Variants in TET1 observed in about 807,000 individuals in gnomAD.
TET1 encodes the protein tet methylcytosine dioxygenase 1, also known as methylcytosine dioxygenase TET1.
Under a neutral mutation model 148.7 loss-of-function variants are expected in TET1, and 13 were observed. The observed-to-expected ratio is 0.09, with a 90% CI of 0.06 to 0.14. TET1 has a LOEUF of 0.14. Ranked by LOEUF, TET1 falls within the 10% of genes least tolerant of loss-of-function variation. The pLI is 1.00. For missense variants in TET1, 2,182 were observed against 2,553.8 expected (o/e 0.85, Z 3.14); for synonymous variants, 907 against 937.2 (o/e 0.97, Z 0.59).
intron 10 of TET1, among the ~76,000 whole-genome samples, chr10:68,685,850 TAA>T (rs569967860): frequency 6.6e-6 from 1 of 152,006 alleles, no homozygotes; most frequent in Admixed American, 6.6e-5. Context: ...AATATAAAAT[TAA>T]AAAAAAATTT....
At chr10:68,568,103 C>A (rs1208100702) in intron 1 of TET1, among the ~76,000 whole-genome samples, 1 of 152,156 alleles carries the variant, frequency 6.6e-6, no homozygotes, top group Non-Finnish European at 1.5e-5. Flanking sequence ...CTCTCGAACT[C>A]CCAACCTCAG....
intron 3 of TET1, among the ~76,000 whole-genome samples, chr10:68,624,642 TTCTTTCTTTCTTTCTTTCTCTCTCTCTC>T (rs1243718782): frequency 2.4e-4 from 12 of 50,386 alleles, no homozygotes; most frequent in African/African-American, 1.4e-3. Flanking sequence ...CTTTCTTTCT[TTCTTTCTTTCTTTCTTTCTCTCTCTCTC>T]TCTCTCTCTC....
chr10:68,683,745 C>T (rs1268304415), intron 10 of TET1, among the ~76,000 whole-genome samples: 1 of 152,122 alleles, frequency 6.6e-6, no homozygotes, highest in Non-Finnish European at 1.5e-5. Flanking sequence ...TGCTATCAAA[C>T]TAGTAGGTAT....
chr10:68,676,264 ATATATTTTTT>A (rs1262824809), intron 8 of TET1, among the ~76,000 whole-genome samples: 8 of 15,410 alleles, frequency 5.2e-4, no homozygotes, highest in African/African-American at 1.8e-3. Flanking sequence ...ATATATATAT[ATATATTTTTT>A]TTTTTTTTTT....
At chr10:68,667,322 A>G (rs1183116586) in intron 7 of TET1, 66 bp downstream of exon 7, 1 of 1,305,304 alleles carries the variant, frequency 7.7e-7, no homozygotes, top group Middle Eastern at 1.9e-4. Context: ...AAAATTGTTA[A>G]TTAGCTACCA....
intron 1 of TET1, among the ~76,000 whole-genome samples, chr10:68,567,306 T>A (rs2053617616): frequency 1.3e-5 from 2 of 152,140 alleles, no homozygotes; most frequent in African/African-American, 4.8e-5. Context: ...TGGTGTGAGA[T>A]CATCTCTAGA....
chr10:68,618,476 A>T (rs1564971337), intron 3 of TET1, among the ~76,000 whole-genome samples: 1 of 152,222 alleles, frequency 6.6e-6, no homozygotes, highest in Non-Finnish European at 1.5e-5. Flanking sequence ...TAATACAAAC[A>T]AAAGAAGCCC....
At chr10:68,638,765 TTGTGTGTGTGTGTGTGTGTG>T (rs59106736) in intron 3 of TET1, among the ~76,000 whole-genome samples, 40 of 140,912 alleles carry the variant, frequency 2.8e-4, no homozygotes, top group African/African-American at 8.6e-4. Flanking sequence ...TGTATGGAGT[TTGTGTGTGTGTGTGTGTGTG>T]TGTGTGTGTG....
At chr10:68,657,142 A>G (rs1208135622) in intron 6 of TET1, among the ~76,000 whole-genome samples, 1 of 152,100 alleles carries the variant, frequency 6.6e-6, no homozygotes. Context: ...GTTGGAGACC[A>G]GCTTGGACAA....
intron 3 of TET1, among the ~76,000 whole-genome samples, chr10:68,608,494 C>G (rs1420691494): frequency 6.6e-6 from 1 of 152,088 alleles, no homozygotes; most frequent in African/African-American, 2.4e-5. Flanking sequence ...CTTGGCCTCC[C>G]TAAGTGCTGG....
intron 2 of TET1, 97 bp from the exon 3 acceptor site, chr10:68,600,884 A>G: frequency 9.8e-6 from 9 of 918,596 alleles, no homozygotes; most frequent in Non-Finnish European, 1.6e-5. Flanking sequence ...TAAATGGTAT[A>G]AATAGTTTTA....
At chr10:68,657,737 A>G (rs1382218899) in intron 6 of TET1, among the ~76,000 whole-genome samples, 1 of 152,140 alleles carries the variant, frequency 6.6e-6, no homozygotes, top group Non-Finnish European at 1.5e-5. Context: ...GAAACTGAGG[A>G]TTAGAGCTGG....
rs1252809815 is a variant in TET1 at position 68,574,077 on chromosome 10, T to C, written c.1739T>C (p.Leu580Pro). Residue 580 changes from leucine to proline, a missense_variant, in exon 2 of 12, where the codon CTA becomes CCA. By Grantham distance (98) the Leu-to-Pro change is moderately conservative. Coordinates refer to ENST00000373644, the MANE Select transcript of TET1 (RefSeq NM_030625.3). The stretch of plus-strand genomic sequence containing the variant: ...TCCTCTTCTTCCTATACCACTTTGC[T>C]ACCGACTTTGGAAAAGAAGAAAAGA... ...STSSSSYTTL[L>P]PTLEKKKRKR... 1 of 1,614,042 alleles carries C rather than the reference T, an allele frequency of 6.2e-7. No homozygotes were observed. Among genetic ancestry groups the C allele is most frequent in the Non-Finnish European group, 8.5e-7 (1 of 1,180,044 alleles).
At chr10:68,681,258 T>C (rs2055431219) in intron 8 of TET1, 141 bp from the exon 9 acceptor site, 6 of 524,020 alleles carry the variant, frequency 1.1e-5, no homozygotes, top group Non-Finnish European at 1.7e-5. Context: ...AGAAGCAGTG[T>C]AATTTTCTGT....
In TET1 at chr10:68,686,457, G is replaced by A; in HGVS notation, c.5154G>A (p.Glu1718=). The change falls in exon 11 of 12, where the codon GAG becomes GAA. Residue 1718 remains glutamate (E), a synonymous_variant. Coordinates refer to ENST00000373644, the MANE Select transcript of TET1 (RefSeq NM_030625.3). ...TTTATAAGCTTTCAGACACAGATGA[G>A]TTTGGCTCCAAGGAAGGAATGGAAG... The part of the protein sequence containing the change: ...LPLYKLSDTD[E]FGSKEGMEAK... 6.2e-7 allele frequency: 1 copy of A among 1,614,126 alleles called. No individual in the cohort carries two copies. The highest frequency in any genetic ancestry group is 8.5e-7 in the Non-Finnish European group (1 of 1,180,034).
chr10:68,662,090 G>T (rs1314154518), intron 6 of TET1, among the ~76,000 whole-genome samples: 1 of 151,900 alleles, frequency 6.6e-6, no homozygotes, highest in Non-Finnish European at 1.5e-5. Flanking sequence ...GGCCATGCTG[G>T]TCTCAAACTC....
rs62638663 is a variant in TET1, at chr10:68,691,790, G to A, written c.6387G>A (p.Ala2129=). 3.6e-3 allele frequency: 5,729 copies of A among 1,613,298 alleles called. 177 individuals carry two copies. The African/African-American group carries it at 0.065, about 18-fold the overall frequency. Residue 2129 remains alanine, a synonymous_variant, in exon 12 of 12, where the codon GCG becomes GCA. Transcript: ENST00000373644. The surrounding 1 kb of genome is among the most constrained non-coding windows in gnomAD (Gnocchi z 4.4). ...TVSPYALTHV[A]GPYNHWV ...CCCCTTATGCTCTCACACACGTTGC[G>A]GGGCCCTATAACCATTGGGTCTGAA... is the stretch of plus-strand genomic sequence containing the variant.
intron 3 of TET1, among the ~76,000 whole-genome samples, chr10:68,624,470 G>C (rs1202577818): frequency 4.0e-5 from 6 of 151,608 alleles, no homozygotes; most frequent in Non-Finnish European, 5.9e-5. Context: ...TATATTTTTA[G>C]TAGAGGCAGG....
In TET1 at chr10:68,667,228, A is replaced by C; in HGVS notation, c.4645A>C (p.Thr1549Pro). The C allele has an allele frequency of 6.2e-7, 1 of 1,613,860 alleles. No homozygotes were observed. The highest frequency in any genetic ancestry group is 8.5e-7 in the Non-Finnish European group (1 of 1,179,894). The change falls in exon 7 of 12, where the codon ACC (threonine) becomes CCC (proline). Residue 1549 changes from threonine to proline, a missense_variant. This residue lies in a region of TET1 where 169 missense variants were observed against 263.7 expected (regional missense o/e 0.64). Transcript: ENST00000373644. ...TCTAAAGTCATACAATGGGCACCCT[A>C]CCGACAGAAGATGCACCCTCAATGA... ...ENLKSYNGHP[T>P]DRRCTLNENR...
Sources: allele counts gnomAD v4.1 joint callset (sites outside exome capture counted in the v4.1 genomes callset), GRCh38; gene constraint gnomAD v4.1.1; regional missense constraint gnomAD v4.1.1; non-coding constraint Gnocchi (gnomAD v3.1); transcripts MANE v1.5; gene names NCBI Gene and HGNC (gene_info 2026-07-23, HGNC 2026-07-21).